The following PCDHGA9 variants were observed in gnomAD, a reference collection of about 807,000 sequenced individuals.
PCDHGA9 encodes the protein protocadherin gamma subfamily A, 9.
In PCDHGA9, 37 loss-of-function variants were observed where a neutral mutation model predicts 62.5. That is an observed-to-expected ratio of 0.59 (90% CI 0.46 to 0.78). The LOEUF (loss-of-function observed/expected upper bound fraction) is 0.78, where lower values mean the gene tolerates loss of function less well. Ranked by LOEUF, PCDHGA9 falls within the 30% of genes least tolerant of loss-of-function variation. The pLI is 0.00. For synonymous variants in PCDHGA9, 459 were observed against 484.6 expected (o/e 0.95, Z 0.69); for missense variants, 1,138 against 1,166.2 (o/e 0.98, Z 0.35).
In PCDHGA9 at chr5:141,495,640, G is replaced by A. The variant is rs149177775; in HGVS notation, c.2483+775G>A. 1.2e-3 allele frequency among the ~76,000 whole-genome samples: 177 copies of A among 152,150 alleles called. 1 individual carries two copies. The highest frequency in any genetic ancestry group is 4.1e-3 in the African/African-American group (171 of 41,498). ...ACCTCAGCCTCAGTCCCTTTCATTT[G>A]TCTACTTGCATTGATCTGTGCCGCC... On this transcript the variant is annotated intron_variant, in intron 2 of 3. Transcript: ENST00000573521.
Position 141,477,763 on chromosome 5 carries a change from C to G in PCDHGA9, c.2425-17044C>G, listed in dbSNP as rs763322593. The G allele has an allele frequency of 6.2e-7, 1 of 1,614,012 alleles. No homozygotes were observed. Among genetic ancestry groups the G allele is most frequent in the Non-Finnish European group, 8.5e-7 (1 of 1,180,032 alleles). Reference sequence around the variant, plus strand: ...ATGGGGGCACCCCGGTCCTAGCCACCAACATCAGCGTGAACATATTTGTCA... The same window carrying G: ...ATGGGGGCACCCCGGTCCTAGCCACGAACATCAGCGTGAACATATTTGTCA... On this transcript the variant is annotated intron_variant, in intron 1 of 3. Transcript: ENST00000573521. This position sits in a 1 kb window ranked among gnomAD's most constrained non-coding sequence, Gnocchi z 4.9.
rs2099648980 is a variant in PCDHGA9 at position 141,487,537 on chromosome 5, G to A, written c.2425-7270G>A. ...CTCGGAGTGATAGCTTCATGATGGT[G>A]AAGTCACCCAGTGCACCTATGGCAG... On this transcript the variant is annotated intron_variant, in intron 1 of 3. Transcript: ENST00000573521. The surrounding 1 kb of genome is among the most constrained non-coding windows in gnomAD (Gnocchi z 5.0). The A allele has an allele frequency of 1.2e-6, 2 of 1,614,188 alleles. No individual in the cohort carries two copies. Among genetic ancestry groups the A allele is most frequent in the Admixed American group, 1.7e-5 (1 of 60,028 alleles).
intron 1 of PCDHGA9, among the ~76,000 whole-genome samples, chr5:141,444,786 T>C (rs1252217349): frequency 6.6e-6 from 1 of 152,226 alleles, no homozygotes; most frequent in Non-Finnish European, 1.5e-5. Context: ...CATGTTTCAT[T>C]TGTCTATTCT....
Position 141,409,527 on chromosome 5 carries a change from T to A in PCDHGA9, c.2424+4151T>A. 1 of 1,613,970 alleles carries A rather than the reference T, an allele frequency of 6.2e-7. No homozygotes were observed. Among genetic ancestry groups the A allele is most frequent in the South Asian group, 1.1e-5 (1 of 91,084 alleles). ...TCCAGTAGAAGCATCACCTTGTATGTCGCTGACATCAACGACAACGCCCCA... is the reference window on the plus strand; with the variant it reads ...TCCAGTAGAAGCATCACCTTGTATGACGCTGACATCAACGACAACGCCCCA... On this transcript the variant is annotated intron_variant, in intron 1 of 3. Coordinates refer to ENST00000573521, the MANE Select transcript of PCDHGA9 (RefSeq NM_018921.3).
Position 141,432,403 on chromosome 5 carries a change from G to A in PCDHGA9, c.2424+27027G>A, listed in dbSNP as rs1279890312. The A allele has an allele frequency of 6.2e-7, 1 of 1,614,242 alleles. No homozygotes were observed. The highest frequency in any genetic ancestry group is 8.5e-7 in the Non-Finnish European group (1 of 1,180,052). On this transcript the variant is annotated intron_variant, in intron 1 of 3. Coordinates refer to ENST00000573521, the MANE Select transcript of PCDHGA9 (RefSeq NM_018921.3). The surrounding 1 kb of genome is among the most constrained non-coding windows in gnomAD (Gnocchi z 6.0). ...CGCCCCTCAGCAGCAACGTGTCGTT[G>A]AGCCTGTTCGTGCTGGACCAGAACG...
intron 1 of PCDHGA9, chr5:141,428,217 C>A: frequency 8.3e-7 from 1 of 1,211,998 alleles, no homozygotes; most frequent in Non-Finnish European, 1.2e-6. Context: ...TTCACCTAGT[C>A]TTCGCAGACA....
chr5:141,466,947 A>C (rs2099132734), intron 1 of PCDHGA9, among the ~76,000 whole-genome samples: 1 of 152,126 alleles, frequency 6.6e-6, no homozygotes, highest in South Asian at 2.1e-4. Context: ...TGTCCAGTAA[A>C]CAGACTGCAA....
chr5:141,486,637 G>T lies in PCDHGA9; in HGVS notation c.2425-8170G>T. On this transcript the variant is annotated intron_variant, in intron 1 of 3. Coordinates refer to ENST00000573521, the MANE Select transcript of PCDHGA9 (RefSeq NM_018921.3). This position sits in a 1 kb window ranked among gnomAD's most constrained non-coding sequence, Gnocchi z 5.0. ...CTGACCCAGACTCTGGCTTGAATGCGCTTATCTCCTACTCACTCCTGGAGC... is the reference window on the plus strand; with the variant it reads ...CTGACCCAGACTCTGGCTTGAATGCTCTTATCTCCTACTCACTCCTGGAGC... 6.2e-7 allele frequency: 1 copy of T among 1,613,638 alleles called. No homozygotes were observed. The highest frequency in any genetic ancestry group is 8.5e-7 in the Non-Finnish European group (1 of 1,180,034).
chr5:141,426,978 G>A (rs1383521288), intron 1 of PCDHGA9: 1 of 456,770 alleles, frequency 2.2e-6, no homozygotes, highest in Non-Finnish European at 4.4e-6. Flanking sequence ...TGAGGTCACT[G>A]ATGCCAACGA....
chr5:141,421,834 C>A, intron 1 of PCDHGA9: 2 of 1,613,748 alleles, frequency 1.2e-6, no homozygotes. Flanking sequence ...AAGCCTGGAC[C>A]GAGAGAAAGA....
At position 141,431,134 on chromosome 5, in the gene PCDHGA9, C is replaced by T; in HGVS notation, c.2424+25758C>T. 1 of 1,614,212 alleles carries T rather than the reference C, an allele frequency of 6.2e-7. No homozygotes were observed. The highest frequency in any genetic ancestry group is 2.2e-5 in the East Asian group (1 of 44,890). On this transcript the variant is annotated intron_variant, in intron 1 of 3. Coordinates refer to ENST00000573521, the MANE Select transcript of PCDHGA9 (RefSeq NM_018921.3). This position sits in a 1 kb window ranked among gnomAD's most constrained non-coding sequence, Gnocchi z 4.8. ...ATGGAGTAGAAGTAGAAGTAAGGGA[C>T]ATTAACGACAATGCGCCTTACTTTC...
rs375404779 is a variant in PCDHGA9 at position 141,419,760 on chromosome 5, A to T, written c.2424+14384A>T. 11 of 1,613,876 alleles carry T rather than the reference A, an allele frequency of 6.8e-6. No homozygotes were observed. The highest frequency in any genetic ancestry group is 9.3e-6 in the Non-Finnish European group (11 of 1,179,904). On this transcript the variant is annotated intron_variant, in intron 1 of 3. Coordinates refer to ENST00000573521, the MANE Select transcript of PCDHGA9 (RefSeq NM_018921.3). ...GTGCGCATGGTGCGTGCTTTGGGTG[A>T]CAAGGACTCGGTCCGCCAGCGCCTG...
chr5:141,415,404 C>T, intron 1 of PCDHGA9: 1 of 1,614,238 alleles, frequency 6.2e-7, no homozygotes, highest in Non-Finnish European at 8.5e-7. Context: ...CCGGCTCGCA[C>T]TTTGTGGGCG....
chr5:141,465,056 G>A (rs908104635), intron 1 of PCDHGA9, among the ~76,000 whole-genome samples: 9 of 151,044 alleles, frequency 6.0e-5, no homozygotes, highest in Non-Finnish European at 1.3e-4. Context: ...ATATTTTTTT[G>A]AATTGTCTGT....
intron 1 of PCDHGA9, among the ~76,000 whole-genome samples, chr5:141,454,420 T>C (rs889393211): frequency 6.6e-6 from 1 of 152,218 alleles, no homozygotes; most frequent in African/African-American, 2.4e-5. Context: ...TATTTATTTA[T>C]TTAGAGACAG....
intron 1 of PCDHGA9, among the ~76,000 whole-genome samples, chr5:141,474,062 C>G (rs745636246): frequency 6.6e-6 from 1 of 152,104 alleles, no homozygotes; most frequent in Non-Finnish European, 1.5e-5. Flanking sequence ...AGAGCGAGAT[C>G]CTGCCTCAGA....
chr5:141,409,279 T>C, intron 1 of PCDHGA9: 1 of 1,613,972 alleles, frequency 6.2e-7, no homozygotes, highest in Non-Finnish European at 8.5e-7. Context: ...TTTTGGAGAA[T>C]TCACCTCCAG....
chr5:141,427,810 G>A (rs2097074260), intron 1 of PCDHGA9: 1 of 1,523,990 alleles, frequency 6.6e-7, no homozygotes, highest in Non-Finnish European at 9.0e-7. Flanking sequence ...AGCGCACAGA[G>A]CGGGGTGGTG....
chr5:141,462,070 G>C lies in PCDHGA9; in HGVS notation c.2425-32737G>C, dbSNP rs572217894. Among the ~76,000 whole-genome samples, 18 of 152,196 alleles carry C rather than the reference G, an allele frequency of 1.2e-4. No individual in the cohort carries two copies. In the South Asian group the frequency reaches 3.7e-3, roughly 32 times the overall value. On this transcript the variant is annotated intron_variant, in intron 1 of 3. Coordinates refer to ENST00000573521, the MANE Select transcript of PCDHGA9 (RefSeq NM_018921.3). ...ACTCCCGACCTCAGGTGATCTGCCC[G>C]CCTTGGCCTCCCAAAATGCTGGGAT...
Sources: allele counts gnomAD v4.1 joint callset (sites outside exome capture counted in the v4.1 genomes callset), GRCh38; gene constraint gnomAD v4.1.1; non-coding constraint Gnocchi (gnomAD v3.1); transcripts MANE v1.5; gene names NCBI Gene and HGNC (gene_info 2026-07-23, HGNC 2026-07-21).